PAPPA2: variants seen among roughly 807,000 people sequenced by gnomAD.
PAPPA2 encodes the protein pappalysin 2.
A neutral mutation model predicts 176.4 loss-of-function variants in PAPPA2; 86 were observed. The ratio of observed to expected loss-of-function variants is 0.49; its 90% CI spans 0.41 to 0.58. The LOEUF (loss-of-function observed/expected upper bound fraction) is 0.58. Ranked by LOEUF, PAPPA2 falls within the 20% of genes least tolerant of loss-of-function variation. The pLI, the probability that PAPPA2 is intolerant of heterozygous loss-of-function variation, is 0.00. For missense variants in PAPPA2, 2,073 were observed against 2,256.9 expected, an observed-to-expected ratio of 0.92 and a Z score of 1.65; for synonymous variants, 809 against 852.2, an observed-to-expected ratio of 0.95 and a Z score of 0.88.
chr1:176,647,494 A>G (rs1195120562), intron 3 of PAPPA2, among the ~76,000 whole-genome samples: 1 of 151,570 alleles, frequency 6.6e-6, no homozygotes, highest in Non-Finnish European at 1.5e-5. Context: ...GCCCAGTCCA[A>G]TGCCATGAAA....
At position 176,557,278 on chromosome 1, in the gene PAPPA2, G is replaced by T. The variant is rs189604599; in HGVS notation, c.919+37G>T. 1.5e-5 allele frequency: 23 copies of T among 1,522,414 alleles called. No homozygotes were observed. The African/African-American group carries it at 3.0e-4, about 20-fold the overall frequency. The allele number at this position is 1,522,414 out of a possible 1,614,324, so 94.3% of individuals were successfully genotyped here. On this transcript the variant is annotated intron_variant, in intron 2 of 22. Transcript: ENST00000367662. ...CTCCTGGGCTTTCTGAAATCCTGAG[G>T]GTATGGCTGGCTTTATTTCTGACGG... is the stretch of plus-strand genomic sequence containing the variant.
chr1:176,738,287 G>A (rs1411658646), intron 12 of PAPPA2, among the ~76,000 whole-genome samples: 1 of 152,230 alleles, frequency 6.6e-6, no homozygotes, highest in South Asian at 2.1e-4. Flanking sequence ...TGTAAAAAGA[G>A]AGAGTGTGAC....
chr1:176,770,990 C>CT lies in PAPPA2; in HGVS notation c.4527dup (p.Glu1510Ter). 1 of 1,614,124 alleles carries CT rather than the reference C, an allele frequency of 6.2e-7. No individual in the cohort carries two copies. Among genetic ancestry groups the CT allele is most frequent in the Non-Finnish European group, 8.5e-7 (1 of 1,180,026 alleles). ...AGGACTGAGCCCATGGCTGACATGT[C>CT]TTGAAGATGGTCTCTGGTCTCTCCC... On this transcript the variant is annotated frameshift_variant, in exon 17 of 23. Coordinates refer to ENST00000367662, the MANE Select transcript of PAPPA2 (RefSeq NM_020318.3). LOFTEE classifies it high-confidence loss of function.
intron 21 of PAPPA2, among the ~76,000 whole-genome samples, chr1:176,825,098 G>A (rs1234981789): frequency 6.6e-6 from 1 of 152,174 alleles, no homozygotes; most frequent in African/African-American, 2.4e-5. Flanking sequence ...TGCTTCCTCG[G>A]AGACTTACTT....
At chr1:176,792,264 A>G (rs1206078397) in intron 19 of PAPPA2, among the ~76,000 whole-genome samples, 1 of 152,218 alleles carries the variant, frequency 6.6e-6, no homozygotes, top group Admixed American at 6.5e-5. Flanking sequence ...GGCCCTAAAT[A>G]TCATAGGAAA....
At chr1:176,472,103 T>C (rs1357293947) in intron 1 of PAPPA2, among the ~76,000 whole-genome samples, 1 of 152,206 alleles carries the variant, frequency 6.6e-6, no homozygotes, top group African/African-American at 2.4e-5. Context: ...TTTCTACTTA[T>C]TTGTTGGAAT....
chr1:176,508,038 C>G (rs1468038351), intron 1 of PAPPA2, among the ~76,000 whole-genome samples: 1 of 152,050 alleles, frequency 6.6e-6, no homozygotes, highest in Admixed American at 6.6e-5. Flanking sequence ...GAAGTCATGC[C>G]TTCATAGTGG....
At chr1:176,531,810 A>T (rs530708196) in intron 1 of PAPPA2, among the ~76,000 whole-genome samples, 2 of 152,344 alleles carry the variant, frequency 1.3e-5, no homozygotes, top group East Asian at 3.9e-4. Flanking sequence ...AAAAGACACA[A>T]ATATAAAATG....
chr1:176,481,735 C>T (rs1652413011), intron 1 of PAPPA2, among the ~76,000 whole-genome samples: 1 of 152,192 alleles, frequency 6.6e-6, no homozygotes, highest in African/African-American at 2.4e-5. Context: ...GATAGAGTCT[C>T]ACCCTGTCAC....
At chr1:176,778,390 G>A (rs762096199) in intron 17 of PAPPA2, among the ~76,000 whole-genome samples, 3 of 152,126 alleles carry the variant, frequency 2.0e-5, no homozygotes, top group Admixed American at 6.6e-5. Context: ...AGTCAGGCTG[G>A]TCTGGAAGGA....
chr1:176,701,679 AAG>A (rs1284732716), intron 8 of PAPPA2, among the ~76,000 whole-genome samples: 4 of 152,168 alleles, frequency 2.6e-5, no homozygotes, highest in Non-Finnish European at 5.9e-5. Context: ...TCTGTTAAAG[AAG>A]AGAGAACCAT....
chr1:176,508,430 CAT>C (rs1399752799), intron 1 of PAPPA2, among the ~76,000 whole-genome samples: 1 of 151,694 alleles, frequency 6.6e-6, no homozygotes, highest in Admixed American at 6.6e-5. Context: ...TAGAGAAAAA[CAT>C]AAATCATAAA....
At chr1:176,650,395 TTTTATTTA>T (rs754304102) in intron 3 of PAPPA2, among the ~76,000 whole-genome samples, 15 of 151,170 alleles carry the variant, frequency 9.9e-5, no homozygotes, top group South Asian at 2.1e-4. Flanking sequence ...TTCTATTTCT[TTTTATTTA>T]TTTATTTATT....
intron 1 of PAPPA2, among the ~76,000 whole-genome samples, chr1:176,472,744 G>C (rs541833886): frequency 2.6e-5 from 4 of 152,110 alleles, no homozygotes; most frequent in African/African-American, 9.6e-5. Context: ...AAGCATAACA[G>C]TTTCAGAACA....
At chr1:176,765,308 T>C (rs1162198142) in intron 14 of PAPPA2, among the ~76,000 whole-genome samples, 2 of 152,162 alleles carry the variant, frequency 1.3e-5, no homozygotes, top group East Asian at 1.9e-4. Context: ...TTCTAATTGC[T>C]TGGGACCCAA....
chr1:176,679,642 C>G (rs1251032869), intron 4 of PAPPA2, among the ~76,000 whole-genome samples: 1 of 152,088 alleles, frequency 6.6e-6, no homozygotes, highest in Non-Finnish European at 1.5e-5. Context: ...GGTCTATGTG[C>G]TAAGCAGTTG....
intron 1 of PAPPA2, chr1:176,553,851 CTCCTT>C (rs1651110053): frequency 6.6e-6 from 1 of 152,082 alleles, no homozygotes; most frequent in African/African-American, 2.4e-5. Context: ...TCTTCCTTCC[CTCCTT>C]TCTTTTCTGC....
chr1:176,527,091 C>A (rs1209368953), intron 1 of PAPPA2, among the ~76,000 whole-genome samples: 1 of 152,178 alleles, frequency 6.6e-6, no homozygotes, highest in African/African-American at 2.4e-5. Context: ...GGATTACAGG[C>A]ATGAGCCACT....
At chr1:176,583,945 C>A (rs753102883) in intron 2 of PAPPA2, among the ~76,000 whole-genome samples, 4 of 152,114 alleles carry the variant, frequency 2.6e-5, no homozygotes, top group Admixed American at 6.5e-5. Context: ...GTCCCAGCTA[C>A]TTGAGAGGAT....
Sources: allele counts gnomAD v4.1 joint callset (sites outside exome capture counted in the v4.1 genomes callset), GRCh38; gene constraint gnomAD v4.1.1; transcripts MANE v1.5; gene names NCBI Gene and HGNC (gene_info 2026-07-23, HGNC 2026-07-21).